The following CADM2 variants were observed in gnomAD, a reference collection of about 807,000 sequenced individuals.
CADM2 encodes cell adhesion molecule 2, also known as immunoglobulin superfamily member 4D.
CADM2 carries 12 observed loss-of-function variants against 49.8 expected under a neutral mutation model. The observed-to-expected ratio is 0.24, with a 90% CI of 0.15 to 0.39. The LOEUF (loss-of-function observed/expected upper bound fraction) is 0.39, where lower values mean the gene tolerates loss of function less well. CADM2 is among the 10% of genes least tolerant of loss of function. The pLI is 1.00. For synonymous variants in CADM2, 214 were observed against 175.4 expected (o/e 1.22, Z -1.74); for missense variants, 378 against 492.3 (o/e 0.77, Z 2.20).
chr3:85,106,979 G>A (rs1028722182), intron 1 of CADM2, among the ~76,000 whole-genome samples: 10 of 152,088 alleles, frequency 6.6e-5, no homozygotes, highest in African/African-American at 9.7e-5. Flanking sequence ...ATCCACATAG[G>A]ATACAATTAG....
intron 3 of CADM2, among the ~76,000 whole-genome samples, chr3:85,855,645 G>T (rs1434095771): frequency 5.0e-5 from 6 of 120,806 alleles, no homozygotes; most frequent in Non-Finnish European, 9.4e-5. Context: ...TATATATTTT[G>T]AGACGGAGTT....
At chr3:85,963,077 A>C in intron 8 of CADM2, among the ~76,000 whole-genome samples, 1 of 151,918 alleles carries the variant, frequency 6.6e-6, no homozygotes, top group East Asian at 1.9e-4. Context: ...TCATTTTGCC[A>C]AAGTTGGAAA....
intron 1 of CADM2, among the ~76,000 whole-genome samples, chr3:85,363,296 A>G (rs2032490077): frequency 1.3e-5 from 2 of 152,228 alleles, no homozygotes; most frequent in Admixed American, 1.3e-4. Flanking sequence ...GACATCTGAC[A>G]GAGGTAAATC....
At chr3:85,126,461 A>G (rs892208462) in intron 1 of CADM2, among the ~76,000 whole-genome samples, 1 of 152,144 alleles carries the variant, frequency 6.6e-6, no homozygotes, top group Non-Finnish European at 1.5e-5. Flanking sequence ...GGCAGTTCAC[A>G]TTTAAAATTT....
chr3:86,054,903 A>C (rs1372028230), intron 8 of CADM2, among the ~76,000 whole-genome samples: 1 of 151,868 alleles, frequency 6.6e-6, no homozygotes, highest in Non-Finnish European at 1.5e-5. Context: ...TTTTTTTCTT[A>C]ATGGTTGTTC....
chr3:85,567,334 T>G (rs1039058835), intron 1 of CADM2, among the ~76,000 whole-genome samples: 7 of 149,246 alleles, frequency 4.7e-5, no homozygotes, highest in Non-Finnish European at 1.0e-4. Flanking sequence ...TCCATGAGTA[T>G]TTTCTTTTCC....
intron 1 of CADM2, among the ~76,000 whole-genome samples, chr3:85,531,911 C>A (rs779846170): frequency 8.5e-5 from 13 of 152,172 alleles, no homozygotes; most frequent in Non-Finnish European, 1.8e-4. Flanking sequence ...GGTGCGGTGG[C>A]TCACGCCTGT....
intron 5 of CADM2, among the ~76,000 whole-genome samples, chr3:85,901,556 T>C (rs2108450168): frequency 6.6e-6 from 1 of 152,290 alleles, no homozygotes; most frequent in African/African-American, 2.4e-5. Flanking sequence ...TTCTCTTCAA[T>C]CAGTAACTCT....
chr3:85,629,776 A>C (rs911501609), intron 1 of CADM2, among the ~76,000 whole-genome samples: 1 of 152,042 alleles, frequency 6.6e-6, no homozygotes, highest in African/African-American at 2.4e-5. Flanking sequence ...TTATGTATAC[A>C]CAATAGGCCC....
At chr3:85,866,297 A>G (rs1220923534) in intron 3 of CADM2, among the ~76,000 whole-genome samples, 2 of 152,162 alleles carry the variant, frequency 1.3e-5, no homozygotes, top group African/African-American at 4.8e-5. Flanking sequence ...GCTTTTCTGG[A>G]CCTACCCACC....
intron 3 of CADM2, among the ~76,000 whole-genome samples, chr3:85,873,095 C>A (rs141541559): frequency 6.6e-6 from 1 of 152,112 alleles, no homozygotes; most frequent in African/African-American, 2.4e-5. Flanking sequence ...CTTCCCAAAA[C>A]TTCTTTGTTA....
At chr3:85,438,646 A>T (rs2037043598) in intron 1 of CADM2, among the ~76,000 whole-genome samples, 1 of 152,044 alleles carries the variant, frequency 6.6e-6, no homozygotes, top group Non-Finnish European at 1.5e-5. Flanking sequence ...GGACACATTG[A>T]TAGATCTTTC....
intron 1 of CADM2, among the ~76,000 whole-genome samples, chr3:85,344,752 G>A (rs911326125): frequency 2.6e-5 from 4 of 151,916 alleles, no homozygotes; most frequent in African/African-American, 7.3e-5. Flanking sequence ...TTTTGAATGT[G>A]CATTTGTACA....
At chr3:85,053,181 G>C (rs1424114109) in intron 1 of CADM2, among the ~76,000 whole-genome samples, 1 of 151,982 alleles carries the variant, frequency 6.6e-6, no homozygotes, top group African/African-American at 2.4e-5. Context: ...AATGTTCAGA[G>C]CTAAAGCAAA....
chr3:85,454,656 A>G (rs1045467402), intron 1 of CADM2, among the ~76,000 whole-genome samples: 2 of 152,158 alleles, frequency 1.3e-5, no homozygotes, highest in Non-Finnish European at 2.9e-5. Context: ...TTTGCCCACA[A>G]ACTGAATGCA....
chr3:85,895,680 A>T (rs1007448573), intron 5 of CADM2, among the ~76,000 whole-genome samples: 1 of 152,116 alleles, frequency 6.6e-6, no homozygotes, highest in Admixed American at 6.6e-5. Flanking sequence ...GTGGGAGGTA[A>T]ATGAATCGTG....
intron 2 of CADM2, among the ~76,000 whole-genome samples, chr3:85,779,603 C>T (rs1312764088): frequency 2.0e-5 from 3 of 152,108 alleles, no homozygotes; most frequent in African/African-American, 7.2e-5. Context: ...ATCATGTGGG[C>T]AGCATGGGGG....
At chr3:86,012,590 C>A in intron 8 of CADM2, 1 of 1,570,642 alleles carries the variant, frequency 6.4e-7, no homozygotes, top group Non-Finnish European at 8.6e-7. Context: ...CCCCCAACTG[C>A]ACGCGAAGCG....
chr3:85,520,737 T>C (rs922866729), intron 1 of CADM2, among the ~76,000 whole-genome samples: 1 of 152,006 alleles, frequency 6.6e-6, no homozygotes, highest in Non-Finnish European at 1.5e-5. Flanking sequence ...AAGAAATACA[T>C]TAATTAAAAA....
Sources: allele counts gnomAD v4.1 joint callset (sites outside exome capture counted in the v4.1 genomes callset), GRCh38; gene constraint gnomAD v4.1.1; transcripts MANE v1.5; gene names NCBI Gene and HGNC (gene_info 2026-07-23, HGNC 2026-07-21).